The following SCN9A variants were observed in gnomAD, a reference collection of about 807,000 sequenced individuals.
SCN9A encodes sodium channel protein type 9 subunit alpha.
Under a neutral mutation model 187.0 loss-of-function variants are expected in SCN9A, and 131 were observed. That is an observed-to-expected ratio of 0.70 (90% CI 0.61 to 0.81). SCN9A has a LOEUF of 0.81. SCN9A is among the 30% of genes least tolerant of loss of function. The pLI is 0.00. For missense variants in SCN9A, 2,252 were observed against 2,396.6 expected (o/e 0.94, Z 1.26); for synonymous variants, 809 against 808.6 (o/e 1.00, Z -0.01).
chr2:166,206,817 C>T (rs761893776), intron 24 of SCN9A, among the ~76,000 whole-genome samples: 24 of 152,142 alleles, frequency 1.6e-4, no homozygotes, highest in Admixed American at 4.6e-4. Flanking sequence ...TCTTTGACTA[C>T]CTTTTTAATT....
At chr2:166,312,418 G>T (rs1469334368) in intron 1 of SCN9A, among the ~76,000 whole-genome samples, 3 of 152,108 alleles carry the variant, frequency 2.0e-5, no homozygotes, top group Non-Finnish European at 4.4e-5. Flanking sequence ...CACCACATCT[G>T]CAGTTCTTTC....
intron 16 of SCN9A, among the ~76,000 whole-genome samples, chr2:166,275,562 C>T (rs1245119911): frequency 6.3e-5 from 9 of 143,182 alleles, no homozygotes; most frequent in Non-Finnish European, 1.4e-4. Context: ...CCAGCCTGGG[C>T]AACAAAGCGA....
chr2:166,361,376 T>G (rs2105315664), intron 1 of SCN9A, among the ~76,000 whole-genome samples: 1 of 152,214 alleles, frequency 6.6e-6, no homozygotes, highest in East Asian at 1.9e-4. Flanking sequence ...CTCAGAATAT[T>G]TTAAAGACTA....
intron 24 of SCN9A, among the ~76,000 whole-genome samples, chr2:166,222,945 C>CAAAAAAAAAAAAAAAAAA (rs1309168684): frequency 0.012 from 530 of 44,650 alleles, 33 homozygotes; most frequent in Middle Eastern, 0.025. Flanking sequence ...AAAAAAACAA[C>CAAAAAAAAAAAAAAAAAA]AAAAAAAAAA....
At chr2:166,223,493 T>TAA (rs1694713750) in intron 24 of SCN9A, among the ~76,000 whole-genome samples, 1 of 152,196 alleles carries the variant, frequency 6.6e-6, no homozygotes, top group South Asian at 2.1e-4. Context: ...AAATATTGCA[T>TAA]AATTCCACTT....
At chr2:166,335,666 G>A (rs1045327901) in intron 1 of SCN9A, among the ~76,000 whole-genome samples, 2 of 152,080 alleles carry the variant, frequency 1.3e-5, no homozygotes, top group African/African-American at 4.8e-5. Context: ...GCCTTCACTT[G>A]CTAACTTTCA....
chr2:166,263,614 T>G (rs73021662), intron 17 of SCN9A, among the ~76,000 whole-genome samples: 1,896 of 152,130 alleles, frequency 0.012, 46 homozygotes, highest in African/African-American at 0.043. Flanking sequence ...GTCAAAATTC[T>G]TTGTTGTGGG....
At chr2:166,208,959 C>T (rs1175400358) in intron 24 of SCN9A, among the ~76,000 whole-genome samples, 1 of 152,182 alleles carries the variant, frequency 6.6e-6, no homozygotes, top group Non-Finnish European at 1.5e-5. Context: ...GAGTGGAGCA[C>T]ATCAAATGTC....
chr2:166,362,017 G>C (rs1008165031), intron 1 of SCN9A, among the ~76,000 whole-genome samples: 2 of 152,062 alleles, frequency 1.3e-5, no homozygotes, highest in African/African-American at 4.8e-5. Flanking sequence ...GAGTTAAGAA[G>C]CATGCATGCC....
chr2:166,362,204 T>C (rs1268319294), intron 1 of SCN9A, among the ~76,000 whole-genome samples: 2 of 152,050 alleles, frequency 1.3e-5, no homozygotes, highest in African/African-American at 4.8e-5. Flanking sequence ...GGTAAAGTAC[T>C]ATGGTATAAA....
At chr2:166,259,126 G>GGGTC (rs1696399783) in intron 17 of SCN9A, 1 of 151,642 alleles carries the variant, frequency 6.6e-6, no homozygotes, top group Admixed American at 6.6e-5. Context: ...TTCTTGCAGT[G>GGGTC]GGTCAGGCAG....
intron 1 of SCN9A, among the ~76,000 whole-genome samples, chr2:166,346,167 A>T (rs1699896220): frequency 6.6e-6 from 1 of 152,164 alleles, no homozygotes; most frequent in African/African-American, 2.4e-5. Context: ...AGAGTCAGTG[A>T]TGCCCTACCA....
At chr2:166,324,632 T>C (rs573956248) in intron 1 of SCN9A, among the ~76,000 whole-genome samples, 10 of 152,272 alleles carry the variant, frequency 6.6e-5, no homozygotes, top group East Asian at 3.9e-4. Flanking sequence ...CGATAACTCA[T>C]TGACAATGTG....
Position 166,284,532 on chromosome 2 carries a change from T to A in SCN9A, c.1895A>T (p.Asp632Val), listed in dbSNP as rs1181658258. The A allele has an allele frequency of 6.2e-7, 1 of 1,613,984 alleles. No homozygotes were observed. The highest frequency in any genetic ancestry group is 2.2e-5 in the East Asian group (1 of 44,874). Residue 632 changes from aspartate (D) to valine (V), a missense_variant, in exon 12 of 27, where the codon GAT (aspartate) becomes GTT (valine). Coordinates refer to ENST00000642356, the MANE Select transcript of SCN9A (RefSeq NM_001365536.1). ...GGGGAGCATGAGGGCTGAGCGTCCA[T>A]CAACCAGGGAGACCACACCGTTGCA... ...VDCNGVVSLV[D>V]GRSALMLPNG...
chr2:166,268,869 G>C (rs1251892644), intron 17 of SCN9A, among the ~76,000 whole-genome samples: 1 of 151,904 alleles, frequency 6.6e-6, no homozygotes, highest in Non-Finnish European at 1.5e-5. Context: ...ATAATTAGAA[G>C]TCAGTAGCAC....
intron 18 of SCN9A, among the ~76,000 whole-genome samples, chr2:166,249,125 C>A (rs1338166003): frequency 6.6e-6 from 1 of 152,106 alleles, no homozygotes. Flanking sequence ...TGCACGGCCC[C>A]CTTCAATTTT....
rs1328673935 is a variant in SCN9A at position 166,242,610 on chromosome 2, C to G, written c.3519G>C (p.Gly1173=). ...FSCCQVNIES[G]KGKIWWNIRK... is the part of the protein sequence containing the mutation. ...TGATGTTCCACCAGATTTTTCCTTT[C>G]CCTGACTCTATGTTAACTTGGCAGC... Residue 1173 remains glycine (G), a synonymous_variant, in exon 19 of 27, where the codon GGG becomes GGC. Transcript: ENST00000642356. 3 of 1,555,500 alleles carry G rather than the reference C, an allele frequency of 1.9e-6. No homozygotes were observed. The highest frequency in any genetic ancestry group is 2.6e-6 in the Non-Finnish European group (3 of 1,148,902).
At position 166,286,335 on chromosome 2, in the gene SCN9A, C is replaced by A; in HGVS notation, c.1602+1G>T. 1 of 1,601,402 alleles carries A rather than the reference C, an allele frequency of 6.2e-7. No homozygotes were observed. The highest frequency in any genetic ancestry group is 8.5e-7 in the Non-Finnish European group (1 of 1,175,432). ...TACACATTTAGCAATTTGGGTGGTACCTGATTGGGGGTAGACAACCTCTTT... is the reference window on the plus strand; with the variant it reads ...TACACATTTAGCAATTTGGGTGGTAACTGATTGGGGGTAGACAACCTCTTT... On this transcript the variant is annotated splice_donor_variant, in intron 11 of 26. Coordinates refer to ENST00000642356, the MANE Select transcript of SCN9A (RefSeq NM_001365536.1). LOFTEE classifies it high-confidence loss of function.
chr2:166,246,941 T>C (rs1695814672), intron 18 of SCN9A, among the ~76,000 whole-genome samples: 1 of 152,054 alleles, frequency 6.6e-6, no homozygotes, highest in Admixed American at 6.6e-5. Context: ...CAAAGGTATA[T>C]CCCAAGAGAT....
Sources: allele counts gnomAD v4.1 joint callset (sites outside exome capture counted in the v4.1 genomes callset), GRCh38; gene constraint gnomAD v4.1.1; transcripts MANE v1.5; gene names NCBI Gene and HGNC (gene_info 2026-07-23, HGNC 2026-07-21).